Variants in TSNARE1 observed in about 807,000 individuals in gnomAD.
TSNARE1 encodes t-SNARE domain-containing protein 1.
Under a neutral mutation model 62.0 loss-of-function variants are expected in TSNARE1, and 49 were observed. The observed-to-expected ratio is 0.79, with a 90% CI of 0.63 to 1.00. The LOEUF (loss-of-function observed/expected upper bound fraction) is 1.00, where lower values mean the gene tolerates loss of function less well. TSNARE1 is among the 50% of genes least tolerant of loss of function. TSNARE1 has a pLI of 0.00. For synonymous variants in TSNARE1, 328 were observed against 294.4 expected (o/e 1.11, Z -1.17); for missense variants, 755 against 700.1 (o/e 1.08, Z -0.88).
At chr8:142,242,324 T>A (rs1237042474) in intron 12 of TSNARE1, among the ~76,000 whole-genome samples, 1 of 152,160 alleles carries the variant, frequency 6.6e-6, no homozygotes, top group African/African-American at 2.4e-5. Flanking sequence ...GAAGAAAACA[T>A]AGGGAGAACT....
chr8:142,231,037 A>G (rs1380719518), intron 12 of TSNARE1, among the ~76,000 whole-genome samples: 4 of 151,856 alleles, frequency 2.6e-5, no homozygotes, highest in African/African-American at 9.7e-5. Flanking sequence ...CTACCCACCT[A>G]TCCATCCATC....
rs1484173546 is a variant in TSNARE1, at chr8:142,291,286, C to A, written c.1291-6801G>T. On this transcript the variant is annotated intron_variant, in intron 10 of 13. Transcript: ENST00000524325. The surrounding 1 kb of genome is among the most constrained non-coding windows in gnomAD (Gnocchi z 4.8). ...GATGGCCTTGTGCTGGAGTAGGGCA[C>A]CTGGGCTCGAATCCCAGCTCCATGG... Among the ~76,000 whole-genome samples the A allele has an allele frequency of 1.3e-5, 2 of 151,956 alleles. No homozygotes were observed. The highest frequency in any genetic ancestry group is 4.8e-5 in the African/African-American group (2 of 41,374).
chr8:142,387,066 A>G (rs534615457), intron 1 of TSNARE1, among the ~76,000 whole-genome samples: 3 of 152,364 alleles, frequency 2.0e-5, no homozygotes, highest in African/African-American at 7.2e-5. Flanking sequence ...TAGGAACATA[A>G]GAAACCTCCC....
At chr8:142,324,979 C>T (rs1711596578) in intron 6 of TSNARE1, among the ~76,000 whole-genome samples, 1 of 152,248 alleles carries the variant, frequency 6.6e-6, no homozygotes, top group African/African-American at 2.4e-5. Flanking sequence ...AGTAGGTACA[C>T]TGCCCCGTCC....
intron 4 of TSNARE1, among the ~76,000 whole-genome samples, chr8:142,336,542 C>T (rs959848653): frequency 2.0e-5 from 3 of 152,066 alleles, no homozygotes; most frequent in South Asian, 2.1e-4. Flanking sequence ...AGTATGTATG[C>T]ACCTAATGTC....
At chr8:142,274,005 T>C (rs1820016784) in intron 12 of TSNARE1, 1 of 984,878 alleles carries the variant, frequency 1.0e-6, no homozygotes, top group Non-Finnish European at 1.2e-6. Flanking sequence ...CCCTCAAGAG[T>C]GTGTGCTCTC....
At chr8:142,231,541 A>C (rs2130091667) in intron 12 of TSNARE1, among the ~76,000 whole-genome samples, 1 of 152,330 alleles carries the variant, frequency 6.6e-6, no homozygotes, top group Admixed American at 6.5e-5. Flanking sequence ...GCACAGGACA[A>C]GGCGCACTGA....
Position 142,345,843 on chromosome 8 carries a change from C to T in TSNARE1, c.138G>A (p.Pro46=), listed in dbSNP as rs757636302. Reference sequence around the variant, plus strand: ...GGTTCTGCAGCTTGCTCTCTGGCGACGGGCAGGGGAAATGGCGGATTCCAT... The same window carrying T: ...GGTTCTGCAGCTTGCTCTCTGGCGATGGGCAGGGGAAATGGCGGATTCCAT... The part of the protein sequence containing the change: ...TEYGIRHFPC[P]SPESKLQNRC... The change falls in exon 3 of 14, where the codon CCG becomes CCA. Residue 46 remains proline (P), a synonymous_variant. Coordinates refer to ENST00000524325, the MANE Select transcript of TSNARE1 (RefSeq NM_145003.5). 8 of 1,613,974 alleles carry T rather than the reference C, an allele frequency of 5.0e-6. No individual in the cohort carries two copies. In the East Asian group the frequency reaches 6.7e-5, roughly 13 times the overall value.
intron 1 of TSNARE1, among the ~76,000 whole-genome samples, chr8:142,385,440 A>G (rs1244207101): frequency 6.6e-6 from 1 of 152,236 alleles, no homozygotes; most frequent in African/African-American, 2.4e-5. Context: ...AACTATTAAT[A>G]TATTTACCAG....
At chr8:142,220,805 A>C (rs7463863) in intron 13 of TSNARE1, among the ~76,000 whole-genome samples, 71,439 of 152,040 alleles carry the variant, frequency 0.47, 17,252 homozygotes, top group East Asian at 0.6. Context: ...CAAGCTAAAA[A>C]CCTGGCCTGG....
At chr8:142,239,792 T>A (rs1232203533) in intron 12 of TSNARE1, among the ~76,000 whole-genome samples, 1 of 152,206 alleles carries the variant, frequency 6.6e-6, no homozygotes, top group Admixed American at 6.5e-5. Context: ...CTCCTGATGC[T>A]ACTCAAGGGC....
At chr8:142,299,581 GAGAGA>G (rs1255542228) in intron 10 of TSNARE1, among the ~76,000 whole-genome samples, 3 of 152,256 alleles carry the variant, frequency 2.0e-5, no homozygotes, top group Non-Finnish European at 2.9e-5. Flanking sequence ...CAGGCATCAA[GAGAGA>G]AGAGGCTCAC....
intron 12 of TSNARE1, chr8:142,271,797 G>A (rs1342128540): frequency 4.2e-6 from 3 of 710,260 alleles, no homozygotes; most frequent in Non-Finnish European, 6.0e-6. Flanking sequence ...TCTGCACCTG[G>A]AGCTGTATGG....
At chr8:142,286,079 C>T (rs994382646) in intron 10 of TSNARE1, among the ~76,000 whole-genome samples, 3 of 152,222 alleles carry the variant, frequency 2.0e-5, no homozygotes, top group Non-Finnish European at 1.5e-5. Context: ...CTGACTGCCA[C>T]GCTGCACCTA....
chr8:142,252,472 C>T (rs1818222121), intron 12 of TSNARE1, among the ~76,000 whole-genome samples: 1 of 152,220 alleles, frequency 6.6e-6, no homozygotes, highest in African/African-American at 2.4e-5. Flanking sequence ...GGTGGTGCTG[C>T]CGGCGACAGT....
At chr8:142,306,024 G>A (rs940042680) in intron 9 of TSNARE1, among the ~76,000 whole-genome samples, 9 of 152,208 alleles carry the variant, frequency 5.9e-5, no homozygotes, top group South Asian at 2.1e-4. Flanking sequence ...ACTCCGACCC[G>A]AGGGAGGGCA....
intron 11 of TSNARE1, among the ~76,000 whole-genome samples, chr8:142,282,316 G>A (rs1458477988): frequency 6.6e-6 from 1 of 152,248 alleles, no homozygotes; most frequent in East Asian, 1.9e-4. Context: ...TCACTGTGGG[G>A]AATCTCTGGG....
At chr8:142,226,420 C>G (rs374744477) in intron 13 of TSNARE1, among the ~76,000 whole-genome samples, 42 of 152,300 alleles carry the variant, frequency 2.8e-4, no homozygotes, top group African/African-American at 9.9e-4. Context: ...CGCCTCCCGC[C>G]CACCTCTCAG....
chr8:142,213,963 C>A (rs1391718449), intron 13 of TSNARE1, among the ~76,000 whole-genome samples: 1 of 152,176 alleles, frequency 6.6e-6, no homozygotes, highest in African/African-American at 2.4e-5. Context: ...AGAGCCAGCC[C>A]CCCCGGGAAG....
Sources: allele counts gnomAD v4.1 joint callset (sites outside exome capture counted in the v4.1 genomes callset), GRCh38; gene constraint gnomAD v4.1.1; non-coding constraint Gnocchi (gnomAD v3.1); transcripts MANE v1.5; gene names NCBI Gene and HGNC (gene_info 2026-07-23, HGNC 2026-07-21).